The following ADCK1 variants were observed in gnomAD, a reference collection of about 807,000 sequenced individuals.
ADCK1 encodes the protein aarF domain-containing protein kinase 1.
ADCK1 carries 41 observed loss-of-function variants against 52.3 expected under a neutral mutation model. The observed-to-expected ratio is 0.78, with a 90% CI of 0.61 to 1.02. The LOEUF (loss-of-function observed/expected upper bound fraction) is 1.02, where lower values mean the gene tolerates loss of function less well. ADCK1 is among the 50% of genes least tolerant of loss of function. The pLI, the probability that ADCK1 is intolerant of heterozygous loss-of-function variation, is 0.00. For missense variants in ADCK1, 658 were observed against 679.5 expected (o/e 0.97, Z 0.35); for synonymous variants, 250 against 274.6 (o/e 0.91, Z 0.89).
rs543135632 is a variant in ADCK1 at position 77,802,726 on chromosome 14, G to A, written c.-12+2556G>A. 2.6e-5 allele frequency among the ~76,000 whole-genome samples: 4 copies of A among 152,136 alleles called. No individual in the cohort carries two copies. The South Asian group carries it at 6.2e-4, about 24-fold the overall frequency. On this transcript the variant is annotated intron_variant, in intron 1 of 10. Coordinates refer to ENST00000238561, the MANE Select transcript of ADCK1 (RefSeq NM_020421.4). Reference sequence around the variant, plus strand: ...AGCACTTTGGGAAGCCAAGGCGGGCGGATCACGAGGTCAGGAGATCGAGAC... The same window carrying A: ...AGCACTTTGGGAAGCCAAGGCGGGCAGATCACGAGGTCAGGAGATCGAGAC...
intron 4 of ADCK1, among the ~76,000 whole-genome samples, chr14:77,864,634 A>AAT (rs1249875075): frequency 1.4e-5 from 1 of 71,540 alleles, no homozygotes; most frequent in Non-Finnish European, 2.9e-5. Context: ...ATAGGATATG[A>AAT]ATGTGTGTGT....
chr14:77,898,981 A>T, intron 5 of ADCK1, 119 bp from the exon 6 acceptor site: 1 of 1,337,936 alleles, frequency 7.5e-7, no homozygotes, highest in South Asian at 1.4e-5. Context: ...AATTCAGAGG[A>T]GGGATGGGCC....
chr14:77,852,660 A>AATAAATAAAT (rs1372819667), intron 3 of ADCK1, among the ~76,000 whole-genome samples: 2 of 31,736 alleles, frequency 6.3e-5, no homozygotes, highest in African/African-American at 2.3e-4. Context: ...TAAATAAATA[A>AATAAATAAAT]ATATATATAT....
chr14:77,887,789 C>T (rs751449192), intron 5 of ADCK1, among the ~76,000 whole-genome samples: 17 of 152,170 alleles, frequency 1.1e-4, no homozygotes, highest in Non-Finnish European at 2.1e-4. Flanking sequence ...ACTTTTCTAG[C>T]TCTGTGCTCA....
chr14:77,921,777 C>A (rs188395308), intron 7 of ADCK1, among the ~76,000 whole-genome samples: 1 of 152,282 alleles, frequency 6.6e-6, no homozygotes, highest in Non-Finnish European at 1.5e-5. Context: ...TTCCCAACCC[C>A]ACCAGCAGCA....
chr14:77,881,802 AT>A (rs1203618142), intron 4 of ADCK1, among the ~76,000 whole-genome samples: 1 of 152,214 alleles, frequency 6.6e-6, no homozygotes, highest in Non-Finnish European at 1.5e-5. Context: ...CATTGTGAAC[AT>A]ATTTTAAAGC....
intron 7 of ADCK1, among the ~76,000 whole-genome samples, chr14:77,920,369 C>G (rs547336407): frequency 5.1e-4 from 78 of 152,212 alleles, no homozygotes; most frequent in African/African-American, 1.8e-3. Flanking sequence ...TCGTTTTCCA[C>G]TTTGTTTTTG....
At chr14:77,833,278 C>T (rs933321198) in intron 3 of ADCK1, among the ~76,000 whole-genome samples, 5 of 152,200 alleles carry the variant, frequency 3.3e-5, no homozygotes, top group Admixed American at 6.5e-5. Context: ...AGCTCCTTTG[C>T]ACGTGCAGCA....
In ADCK1 at chr14:77,932,248, C is replaced by T. The variant is rs185390162; in HGVS notation, c.1400+537C>T. 6.2e-4 allele frequency among the ~76,000 whole-genome samples: 95 copies of T among 152,182 alleles called. No homozygotes were observed. The Middle Eastern group carries it at 0.024, about 38-fold the overall frequency. On this transcript the variant is annotated intron_variant, in intron 10 of 10. Coordinates refer to ENST00000238561, the MANE Select transcript of ADCK1 (RefSeq NM_020421.4). ...ATTTTTAGTAGAGACGGGGTTTCAC[C>T]GTGTTGGCCAGGCTGGTCTTGAACT...
At chr14:77,916,383 C>G (rs563415688) in intron 7 of ADCK1, among the ~76,000 whole-genome samples, 4 of 152,294 alleles carry the variant, frequency 2.6e-5, no homozygotes, top group East Asian at 3.9e-4. Flanking sequence ...GAAGCTTTCA[C>G]TAGGTACCTA....
At chr14:77,825,618 G>A (rs1332249009) in intron 3 of ADCK1, among the ~76,000 whole-genome samples, 2 of 151,412 alleles carry the variant, frequency 1.3e-5, no homozygotes, top group South Asian at 2.1e-4. Flanking sequence ...TTTGTTGAAC[G>A]AACGAGTGAA....
In ADCK1 at chr14:77,819,081, G is replaced by C. The variant is rs778113031; in HGVS notation, c.103G>C (p.Gly35Arg). 1 of 1,613,650 alleles carries C rather than the reference G, an allele frequency of 6.2e-7. No individual in the cohort carries two copies. The highest frequency in any genetic ancestry group is 8.5e-7 in the Non-Finnish European group (1 of 1,179,968). Residue 35 changes from glycine to arginine, a missense_variant, in exon 2 of 11, where the codon GGC becomes CGC. By Grantham distance (125) the Gly-to-Arg change is moderately radical. Coordinates refer to ENST00000238561, the MANE Select transcript of ADCK1 (RefSeq NM_020421.4). ...SNKYLDPNDF[G>R]AVRVGRAVAT... ...CAAGTACTTGGACCCTAATGACTTT[G>C]GCGCTGTCAGGGTGGGCAGAGCAGT...
At chr14:77,877,402 AG>A (rs1366111391) in intron 4 of ADCK1, among the ~76,000 whole-genome samples, 1 of 152,126 alleles carries the variant, frequency 6.6e-6, no homozygotes, top group Non-Finnish European at 1.5e-5. Flanking sequence ...GGAACAACTG[AG>A]GGTTGTCGGA....
chr14:77,806,161 A>C (rs1028768782), intron 1 of ADCK1, among the ~76,000 whole-genome samples: 1 of 151,750 alleles, frequency 6.6e-6, no homozygotes, highest in African/African-American at 2.4e-5. Context: ...CCTGAGCTCA[A>C]GCGGTCTTCC....
chr14:77,915,641 T>C (rs1263953976), intron 7 of ADCK1, among the ~76,000 whole-genome samples: 1 of 152,178 alleles, frequency 6.6e-6, no homozygotes, highest in Admixed American at 6.5e-5. Flanking sequence ...ACCAACATTC[T>C]CAGCAAACTA....
intron 2 of ADCK1, 82 bp from the exon 3 acceptor site, chr14:77,822,353 G>A: frequency 9.0e-7 from 1 of 1,109,800 alleles, no homozygotes; most frequent in Non-Finnish European, 1.4e-6. Context: ...GCTGTGTCAG[G>A]GACCTGTACT....
At position 77,933,244 on chromosome 14, in the gene ADCK1, A is replaced by G. The variant is rs752781136; in HGVS notation, c.1425A>G (p.Ser475=). Reference sequence around the variant, plus strand: ...GGCACAAGAAGAAGAATACCTGTTCATTCTTCAGAAGGACCCAGATCTCTT... The same window carrying G: ...GGCACAAGAAGAAGAATACCTGTTCGTTCTTCAGAAGGACCCAGATCTCTT... The part of the protein sequence containing the change: ...LAEHKKKNTC[S]FFRRTQISFS... Residue 475 remains serine, a synonymous_variant, in exon 11 of 11, where the codon TCA becomes TCG. Transcript: ENST00000238561. 6.2e-7 allele frequency: 1 copy of G among 1,613,944 alleles called. No individual in the cohort carries two copies. The highest frequency in any genetic ancestry group is 1.1e-5 in the South Asian group (1 of 91,074).
intron 4 of ADCK1, among the ~76,000 whole-genome samples, chr14:77,862,798 A>G (rs911937166): frequency 9.9e-5 from 15 of 152,176 alleles, no homozygotes; most frequent in African/African-American, 3.6e-4. Flanking sequence ...ACCTCATTCC[A>G]GTCCTCACAG....
chr14:77,812,257 T>A (rs1383188545), intron 1 of ADCK1, among the ~76,000 whole-genome samples: 1 of 152,196 alleles, frequency 6.6e-6, no homozygotes, highest in African/African-American at 2.4e-5. Context: ...TAACTGAAAC[T>A]TTGTACCCTT....
Sources: allele counts gnomAD v4.1 joint callset (sites outside exome capture counted in the v4.1 genomes callset), GRCh38; gene constraint gnomAD v4.1.1; transcripts MANE v1.5; gene names NCBI Gene and HGNC (gene_info 2026-07-23, HGNC 2026-07-21).